Variants in DNAH5 observed in about 807,000 individuals in gnomAD.
DNAH5 encodes the protein dynein axonemal heavy chain 5.
In DNAH5, 372 loss-of-function variants were observed where a neutral mutation model predicts 518.2. The ratio of observed to expected loss-of-function variants is 0.72; its 90% CI spans 0.66 to 0.78. The LOEUF (loss-of-function observed/expected upper bound fraction) is 0.78. DNAH5 is among the 30% of genes least tolerant of loss of function. DNAH5 has a pLI of 0.00. For synonymous variants in DNAH5, 2,039 were observed against 2,025.9 expected (o/e 1.01, Z -0.17); for missense variants, 5,523 against 5,687.0 (o/e 0.97, Z 0.93).
chr5:13,870,083 A>G (rs912533806), intron 24 of DNAH5, among the ~76,000 whole-genome samples: 12 of 152,184 alleles, frequency 7.9e-5, no homozygotes, highest in Non-Finnish European at 1.6e-4. Context: ...ATAGTATGAT[A>G]TGGTATACAA....
chr5:13,873,198 T>C (rs1195406083), intron 22 of DNAH5, among the ~76,000 whole-genome samples: 1 of 152,212 alleles, frequency 6.6e-6, no homozygotes, highest in South Asian at 2.1e-4. Context: ...GCCTGATTTT[T>C]GTAGAGTTTA....
chr5:13,851,024 C>T (rs1424128724), intron 30 of DNAH5, among the ~76,000 whole-genome samples: 1 of 152,164 alleles, frequency 6.6e-6, no homozygotes, highest in Non-Finnish European at 1.5e-5. Context: ...ATCCTTAGCT[C>T]AACCTTGGTA....
At chr5:13,781,105 G>C in intron 52 of DNAH5, 146 bp from the exon 53 acceptor site, 1 of 951,160 alleles carries the variant, frequency 1.1e-6, no homozygotes, top group Non-Finnish European at 1.6e-6. Flanking sequence ...CTGGTTGAAG[G>C]AATGAGGGCA....
intron 70 of DNAH5, among the ~76,000 whole-genome samples, chr5:13,726,560 C>T (rs115963715): frequency 1.2e-3 from 180 of 152,282 alleles, no homozygotes; most frequent in African/African-American, 4.1e-3. Flanking sequence ...TTAAATAAGG[C>T]AACCATTTCA....
At chr5:13,955,445 CCAAA>C in intron 1 of DNAH5, among the ~76,000 whole-genome samples, 1 of 152,176 alleles carries the variant, frequency 6.6e-6, no homozygotes, top group South Asian at 2.1e-4. Flanking sequence ...GGTTTCACTG[CCAAA>C]CAAAGAATGG....
intron 22 of DNAH5, among the ~76,000 whole-genome samples, chr5:13,873,247 A>T (rs572410388): frequency 6.6e-6 from 1 of 152,128 alleles, no homozygotes; most frequent in East Asian, 1.9e-4. Context: ...TCCTTTTCCC[A>T]CTTCTACCAA....
At chr5:13,775,594 C>T (rs1753974287) in intron 55 of DNAH5, among the ~76,000 whole-genome samples, 1 of 152,098 alleles carries the variant, frequency 6.6e-6, no homozygotes, top group Non-Finnish European at 1.5e-5. Context: ...TAACTTTTTC[C>T]ACCTATGGCA....
intron 55 of DNAH5, among the ~76,000 whole-genome samples, chr5:13,774,425 G>A (rs947342711): frequency 6.6e-6 from 1 of 152,100 alleles, no homozygotes; most frequent in Non-Finnish European, 1.5e-5. Flanking sequence ...GAATGGACCA[G>A]GCAGGCAGTT....
chr5:13,723,763 A>C, intron 70 of DNAH5, among the ~76,000 whole-genome samples: 1 of 152,246 alleles, frequency 6.6e-6, no homozygotes, highest in Admixed American at 6.5e-5. Context: ...GCATTTAAAA[A>C]TATAATTCTT....
chr5:13,731,615 A>G (rs1746568780), intron 68 of DNAH5, among the ~76,000 whole-genome samples: 2 of 152,210 alleles, frequency 1.3e-5, no homozygotes, highest in Admixed American at 1.3e-4. Context: ...TTGTCCAGAT[A>G]ATTGAGAACT....
intron 1 of DNAH5, among the ~76,000 whole-genome samples, chr5:14,006,681 G>A (rs2152088008): frequency 6.6e-6 from 1 of 152,302 alleles, no homozygotes; most frequent in Non-Finnish European, 1.5e-5. Context: ...CAAACCTGGA[G>A]AGGGCATAAT....
intron 5 of DNAH5, among the ~76,000 whole-genome samples, chr5:13,921,026 T>C (rs563742184): frequency 1.4e-3 from 207 of 152,296 alleles, no homozygotes; most frequent in Middle Eastern, 6.8e-3. Context: ...CATGTATACA[T>C]ATGTAACAAA....
intron 1 of DNAH5, among the ~76,000 whole-genome samples, chr5:13,975,766 C>T (rs1278349199): frequency 6.6e-6 from 1 of 152,196 alleles, no homozygotes; most frequent in Non-Finnish European, 1.5e-5. Context: ...ATCATAATAA[C>T]CTGTAGCTAA....
intron 31 of DNAH5, among the ~76,000 whole-genome samples, chr5:13,850,068 G>T (rs1280649165): frequency 1.3e-5 from 2 of 152,128 alleles, no homozygotes; most frequent in African/African-American, 4.8e-5. Flanking sequence ...TAAGTTAAAT[G>T]CTCAGGTGCT....
intron 1 of DNAH5, among the ~76,000 whole-genome samples, chr5:13,941,118 T>G (rs903710114): frequency 6.6e-6 from 1 of 152,154 alleles, no homozygotes; most frequent in East Asian, 1.9e-4. Flanking sequence ...TTTGGGAGGC[T>G]GAGGCGGGAG....
At chr5:13,783,025 C>A (rs1302610586) in intron 52 of DNAH5, among the ~76,000 whole-genome samples, 1 of 152,172 alleles carries the variant, frequency 6.6e-6, no homozygotes, top group East Asian at 1.9e-4. Flanking sequence ...GGCACAGAGA[C>A]AGGAGTGATG....
chr5:13,902,204 A>G, intron 12 of DNAH5, 66 bp from the exon 13 acceptor site: 2 of 1,198,370 alleles, frequency 1.7e-6, no homozygotes, highest in Non-Finnish European at 2.4e-6. Context: ...CAACAAGATA[A>G]AAGAGCTTTC....
chr5:13,787,940 C>T (rs1756326626), intron 51 of DNAH5, among the ~76,000 whole-genome samples: 2 of 152,118 alleles, frequency 1.3e-5, no homozygotes, highest in African/African-American at 4.8e-5. Context: ...TTTAAACATG[C>T]TTTTAAAAAT....
chr5:13,865,598 T>C lies in DNAH5; in HGVS notation c.4355+70A>G, dbSNP rs1031435973. 20 of 942,120 alleles carry C rather than the reference T, an allele frequency of 2.1e-5. No homozygotes were observed. The Admixed American group carries it at 3.4e-4, about 16-fold the overall frequency. 58.4% of individuals were successfully genotyped at this position (942,120 alleles called of 1,614,324 possible). A position where few individuals can be genotyped will look rare whatever the true frequency, so the allele number is the denominator to read the frequency against. ...GAAATAGCTGGGGTGAAAAGAGAACTTGGCTGCCTATCAAAGAGGAAAGCA... is the reference window on the plus strand; with the variant it reads ...GAAATAGCTGGGGTGAAAAGAGAACCTGGCTGCCTATCAAAGAGGAAAGCA... On this transcript the variant is annotated intron_variant, in intron 27 of 78. Coordinates refer to ENST00000265104, the MANE Select transcript of DNAH5 (RefSeq NM_001369.3).
Sources: gnomAD v4.1 joint callset for allele counts (sites outside exome capture counted in the v4.1 genomes callset) on GRCh38, gnomAD v4.1.1 for gene constraint, MANE v1.5 for transcripts, NCBI Gene and HGNC (gene_info 2026-07-23, HGNC 2026-07-21) for gene names.